The following RAB40B variants were observed in gnomAD, a reference collection of about 807,000 sequenced individuals.
The protein encoded by RAB40B is ras-related protein Rab-40B.
In RAB40B, 21 loss-of-function variants were observed where a neutral mutation model predicts 24.0. The ratio of observed to expected loss-of-function variants is 0.88; its 90% CI spans 0.62 to 1.26. RAB40B has a LOEUF of 1.26. Ranked by LOEUF, RAB40B falls within the 50% of genes most tolerant of loss-of-function variation. The probability of loss-of-function intolerance (pLI) is 0.00; values close to 1 mark genes in which losing one functional copy is unlikely to be tolerated. For synonymous variants in RAB40B, 167 were observed against 169.8 expected, an observed-to-expected ratio of 0.98 and a Z score of 0.13; for missense variants, 348 against 390.5, an observed-to-expected ratio of 0.89 and a Z score of 0.92.
chr17:82,676,482 A>C (rs1598307589), intron 1 of RAB40B, among the ~76,000 whole-genome samples: 1 of 62,820 alleles, frequency 1.6e-5, no homozygotes, highest in Non-Finnish European at 3.1e-5. Flanking sequence ...GCCTCTCCTC[A>C]CCCACACACC....
At chr17:82,672,701 C>G (rs2046353959) in intron 1 of RAB40B, among the ~76,000 whole-genome samples, 1 of 152,192 alleles carries the variant, frequency 6.6e-6, no homozygotes, top group Non-Finnish European at 1.5e-5. Context: ...GAGGCCCTCC[C>G]CAGATGCAGC....
At chr17:82,662,063 C>T (rs2046181275) in intron 2 of RAB40B, 2 of 985,282 alleles carry the variant, frequency 2.0e-6, no homozygotes, top group Non-Finnish European at 2.4e-6. Context: ...GGGGCTGGCC[C>T]CGCACACGAG....
chr17:82,685,797 C>G (rs1050503953), intron 1 of RAB40B, among the ~76,000 whole-genome samples: 1 of 132,646 alleles, frequency 7.5e-6, no homozygotes, highest in Admixed American at 8.6e-5. Context: ...AGGATCTCTT[C>G]TTCTTCTTCT....
At chr17:82,669,899 T>A (rs1343519452) in intron 1 of RAB40B, among the ~76,000 whole-genome samples, 1 of 152,166 alleles carries the variant, frequency 6.6e-6, no homozygotes, top group Non-Finnish European at 1.5e-5. Context: ...AAAAAGAACA[T>A]ACATATTTGC....
rs35256137 is a variant in RAB40B, at chr17:82,686,104, C to CTTTT, written c.142+12347_142+12350dup. On this transcript the variant is annotated intron_variant, in intron 1 of 5. Coordinates refer to ENST00000571995, the MANE Select transcript of RAB40B (RefSeq NM_006822.3). Reference sequence around the variant, plus strand: ...GGCGTGAGCCACCGCACCCAGCCTTCTTTTTTTTTTTTTTTTTTGAGACAA... The same window carrying CTTTT: ...GGCGTGAGCCACCGCACCCAGCCTTCTTTTTTTTTTTTTTTTTTTTTTGAGACAA... Among the ~76,000 whole-genome samples the CTTTT allele has an allele frequency of 2.7e-3, 334 of 123,394 alleles. 4 individuals are homozygous for CTTTT. The highest frequency in any genetic ancestry group is 3.4e-3 in the African/African-American group (112 of 32,986). 81.0% of individuals were successfully genotyped at this position (123,394 alleles called of 152,430 possible).
intron 1 of RAB40B, among the ~76,000 whole-genome samples, chr17:82,695,201 T>C (rs1484040283): frequency 2.2e-4 from 32 of 148,268 alleles, no homozygotes; most frequent in Admixed American, 1.3e-4. Flanking sequence ...TTCTTTCTTT[T>C]TTTTTTTTCG....
rs529761925 is a variant in RAB40B, at chr17:82,660,654, C to T, written c.264+333G>A. On this transcript the variant is annotated intron_variant, in intron 3 of 5. Transcript: ENST00000571995. ...ACACACGCACAGGCACTCATGCAGA[C>T]GTATGCACAGTGCACGTACCTGCAC... Among the ~76,000 whole-genome samples the T allele has an allele frequency of 6.0e-5, 9 of 149,042 alleles. No individual in the cohort carries two copies. In the South Asian group the frequency reaches 6.5e-4, roughly 11 times the overall value.
intron 1 of RAB40B, among the ~76,000 whole-genome samples, chr17:82,682,409 AAAG>A (rs1173505914): frequency 6.6e-6 from 1 of 152,218 alleles, no homozygotes; most frequent in Non-Finnish European, 1.5e-5. Context: ...AAAAGGAATC[AAAG>A]AAGACCTAAA....
At position 82,663,124 on chromosome 17, in the gene RAB40B, G is replaced by A. The variant is rs969894077; in HGVS notation, c.203+1372C>T. Among the ~76,000 whole-genome samples, 5 of 152,208 alleles carry A rather than the reference G, an allele frequency of 3.3e-5. No homozygotes were observed. Among genetic ancestry groups the A allele is most frequent in the African/African-American group, 9.7e-5 (4 of 41,446 alleles). ...GCCCAGCGAGGGCATGGCCCCGGGG[G>A]AGTGGGGACCTGAGAGCAGACTGGG... On this transcript the variant is annotated intron_variant, in intron 2 of 5. Transcript: ENST00000571995. This position sits in a 1 kb window ranked among gnomAD's most constrained non-coding sequence, Gnocchi z 6.2.
At chr17:82,664,468 G>C in intron 2 of RAB40B, 28 bp downstream of exon 2, 1 of 1,608,618 alleles carries the variant, frequency 6.2e-7, no homozygotes, top group Non-Finnish European at 8.5e-7. Flanking sequence ...CTGGGGGTGC[G>C]GGACGCTCGC....
intron 1 of RAB40B, among the ~76,000 whole-genome samples, chr17:82,674,897 A>C (rs2248467): frequency 0.74 from 112,793 of 151,866 alleles, 42,330 homozygotes; most frequent in East Asian, 0.85. Flanking sequence ...AACACGAGAT[A>C]ATCCTGACGG....
chr17:82,672,072 ATGCT>A (rs202005555), intron 1 of RAB40B, among the ~76,000 whole-genome samples: 47 of 27,330 alleles, frequency 1.7e-3, no homozygotes, highest in Admixed American at 4.0e-3. Context: ...ACACACACAC[ATGCT>A]CCCTGTACTC....
At chr17:82,664,417 G>C in intron 2 of RAB40B, 79 bp downstream of exon 2, 1 of 1,432,654 alleles carries the variant, frequency 7.0e-7, no homozygotes, top group Non-Finnish European at 9.7e-7. Flanking sequence ...CCGGGGCACT[G>C]TGCTGACAGG....
At chr17:82,684,975 G>T (rs1310502173) in intron 1 of RAB40B, among the ~76,000 whole-genome samples, 1 of 151,648 alleles carries the variant, frequency 6.6e-6, no homozygotes. Flanking sequence ...TTACCCGGGC[G>T]TGGTGGCAGG....
chr17:82,671,100 A>G (rs965390084), intron 1 of RAB40B, among the ~76,000 whole-genome samples: 1 of 151,956 alleles, frequency 6.6e-6, no homozygotes, highest in Non-Finnish European at 1.5e-5. Context: ...ACTACAGAAG[A>G]TGAAAATGTA....
At chr17:82,696,566 C>G (rs1329706279) in intron 1 of RAB40B, 4 of 169,156 alleles carry the variant, frequency 2.4e-5, no homozygotes, top group African/African-American at 9.7e-5. Flanking sequence ...GCCCTGTCCT[C>G]CAGGCGCTCA....
chr17:82,670,822 C>A (rs903628585), intron 1 of RAB40B, among the ~76,000 whole-genome samples: 1 of 151,990 alleles, frequency 6.6e-6, no homozygotes, highest in African/African-American at 2.4e-5. Flanking sequence ...TGTGAGGTAC[C>A]GCGCCCGGCT....
intron 1 of RAB40B, among the ~76,000 whole-genome samples, chr17:82,687,691 G>A (rs1420269872): frequency 6.6e-6 from 1 of 152,174 alleles, no homozygotes; most frequent in Non-Finnish European, 1.5e-5. Flanking sequence ...TGGCATCCTC[G>A]GAGAGACTGA....
At chr17:82,690,402 A>G (rs59071512) in intron 1 of RAB40B, among the ~76,000 whole-genome samples, 3,650 of 119,992 alleles carry the variant, frequency 0.03, 212 homozygotes, top group African/African-American at 0.094. Flanking sequence ...GAGTGTGCAC[A>G]TGTGTTCTCA....
Sources: gnomAD v4.1 joint callset for allele counts (sites outside exome capture counted in the v4.1 genomes callset) on GRCh38, gnomAD v4.1.1 for gene constraint, Gnocchi (gnomAD v3.1) non-coding constraint, MANE v1.5 for transcripts, NCBI Gene and HGNC (gene_info 2026-07-23, HGNC 2026-07-21) for gene names.